The following USP46 variants were observed in gnomAD, a reference collection of about 807,000 sequenced individuals.
The protein encoded by USP46 is ubiquitin specific peptidase 46.
A neutral mutation model predicts 44.4 loss-of-function variants in USP46; 12 were observed. The ratio of observed to expected loss-of-function variants is 0.27; its 90% CI spans 0.17 to 0.44. USP46 has a LOEUF of 0.44. Among genes scored for constraint, USP46 ranks in the 20% least tolerant of loss-of-function variants. The pLI is 1.00. For missense variants in USP46, 248 were observed against 444.8 expected, an observed-to-expected ratio of 0.56 and a Z score of 3.98; for synonymous variants, 155 against 161.5, an observed-to-expected ratio of 0.96 and a Z score of 0.31.
intron 1 of USP46, among the ~76,000 whole-genome samples, chr4:52,649,737 C>T (rs1408853463): frequency 1.3e-5 from 2 of 152,190 alleles, no homozygotes; most frequent in African/African-American, 4.8e-5. Flanking sequence ...ATTTATTGAG[C>T]ACCAACCACA....
At chr4:52,619,281 T>C (rs1347103395) in intron 4 of USP46, among the ~76,000 whole-genome samples, 1 of 149,218 alleles carries the variant, frequency 6.7e-6, no homozygotes, top group East Asian at 1.9e-4. Flanking sequence ...AAGCAACATT[T>C]ACAAAGGGTG....
intron 4 of USP46, among the ~76,000 whole-genome samples, chr4:52,618,344 A>AC (rs1342423939): frequency 4.6e-5 from 7 of 152,042 alleles, no homozygotes; most frequent in South Asian, 2.1e-4. Context: ...ACAAAAATTA[A>AC]CCAGGCATGG....
chr4:52,610,456 T>G (rs1716897548), intron 5 of USP46, 85 bp downstream of exon 5: 3 of 1,190,796 alleles, frequency 2.5e-6, no homozygotes, highest in Non-Finnish European at 2.4e-6. Flanking sequence ...GAAGGGAAGA[T>G]TATGTCCTGA....
At chr4:52,631,030 C>T (rs1717803561) in intron 2 of USP46, 34 bp downstream of exon 2, 2 of 1,531,530 alleles carry the variant, frequency 1.3e-6, no homozygotes, top group African/African-American at 1.4e-5. Context: ...TACCCTAAAA[C>T]ATTTGATGAA....
intron 4 of USP46, among the ~76,000 whole-genome samples, chr4:52,613,985 C>T (rs970644795): frequency 3.6e-4 from 54 of 151,996 alleles, no homozygotes; most frequent in African/African-American, 1.3e-3. Flanking sequence ...ACGTGAAACC[C>T]CAGTAAAGAA....
At chr4:52,598,843 A>C in intron 7 of USP46, 137 bp from the exon 8 acceptor site, 27 of 739,048 alleles carry the variant, frequency 3.7e-5, no homozygotes, top group East Asian at 8.1e-5. Flanking sequence ...CATATAGCTC[A>C]TGTCTATGTT....
chr4:52,635,168 T>C (rs1360757258), intron 1 of USP46, among the ~76,000 whole-genome samples: 3 of 150,312 alleles, frequency 2.0e-5, no homozygotes, highest in Non-Finnish European at 4.4e-5. Flanking sequence ...CACATCTACA[T>C]CTCTCCAGAA....
In USP46 at chr4:52,601,926, T is replaced by G; in HGVS notation, c.851A>C (p.Asn284Thr). 1 of 1,613,870 alleles carries G rather than the reference T, an allele frequency of 6.2e-7. No individual in the cohort carries two copies. The highest frequency in any genetic ancestry group is 8.5e-7 in the Non-Finnish European group (1 of 1,179,872). ...CAGGTTCACTGCATCACTGGAGGTG[T>G]TGAAGAGCCGGAGTTCCAGAGGGAA... ...VVFPLELRLF[N>T]TSSDAVNLDR... Residue 284 changes from asparagine (N) to threonine (T), a missense_variant, in exon 7 of 9, where the codon AAC becomes ACC. Asn to Thr is a moderately conservative substitution (Grantham distance 65). Transcript: ENST00000441222.
intron 1 of USP46, among the ~76,000 whole-genome samples, chr4:52,644,098 C>T (rs970582193): frequency 6.6e-5 from 10 of 152,142 alleles, no homozygotes; most frequent in Non-Finnish European, 1.3e-4. Context: ...ACCACGGAGC[C>T]CCTGTCCCAC....
At chr4:52,632,619 C>T (rs966248016) in intron 1 of USP46, among the ~76,000 whole-genome samples, 2 of 151,824 alleles carry the variant, frequency 1.3e-5, no homozygotes, top group African/African-American at 4.8e-5. Context: ...CTCAGTGGTT[C>T]GAGACCAGCC....
chr4:52,633,026 G>GAA (rs760056090), intron 1 of USP46, among the ~76,000 whole-genome samples: 2 of 145,058 alleles, frequency 1.4e-5, no homozygotes, highest in South Asian at 2.3e-4. Flanking sequence ...AAGAAAGAAA[G>GAA]AAAAAGAAAG....
intron 1 of USP46, among the ~76,000 whole-genome samples, chr4:52,652,395 A>G (rs1048581272): frequency 6.6e-6 from 1 of 152,186 alleles, no homozygotes; most frequent in African/African-American, 2.4e-5. Flanking sequence ...TTTACACCAC[A>G]GAGAAACTGT....
intron 1 of USP46, chr4:52,658,049 A>G (rs1294700345): frequency 2.8e-6 from 1 of 356,194 alleles, no homozygotes; most frequent in Non-Finnish European, 5.6e-6. Context: ...ACTAGCTTCA[A>G]GGGAGGTTTT....
At chr4:52,629,686 C>T (rs1413187271) in intron 2 of USP46, 1 of 456,132 alleles carries the variant, frequency 2.2e-6, no homozygotes, top group Non-Finnish European at 4.4e-6. Context: ...TGGACAACTC[C>T]TGGGAAGGGA....
intron 8 of USP46, among the ~76,000 whole-genome samples, chr4:52,598,129 T>C (rs1243295908): frequency 2.0e-5 from 3 of 152,252 alleles, no homozygotes; most frequent in Admixed American, 1.3e-4. Flanking sequence ...ATAGATCATG[T>C]CTTTGAGTGT....
intron 4 of USP46, among the ~76,000 whole-genome samples, chr4:52,621,889 G>A (rs1030563786): frequency 2.6e-5 from 4 of 152,094 alleles, no homozygotes; most frequent in African/African-American, 4.8e-5. Context: ...AAAACAAACT[G>A]CAGTATATTC....
intron 1 of USP46, among the ~76,000 whole-genome samples, chr4:52,654,148 T>C (rs1351788045): frequency 6.6e-6 from 1 of 152,196 alleles, no homozygotes; most frequent in Non-Finnish European, 1.5e-5. Flanking sequence ...ATGAGACCAG[T>C]GGGGCCAGAA....
chr4:52,602,424 G>C (rs1716511728), intron 6 of USP46, among the ~76,000 whole-genome samples: 1 of 152,210 alleles, frequency 6.6e-6, no homozygotes, highest in Non-Finnish European at 1.5e-5. Context: ...GAGAGCTTTT[G>C]AGAACAGGAA....
At chr4:52,656,048 T>C (rs1425247209) in intron 1 of USP46, among the ~76,000 whole-genome samples, 1 of 152,214 alleles carries the variant, frequency 6.6e-6, no homozygotes, top group Admixed American at 6.5e-5. Context: ...AGGAAACAAA[T>C]CCACTTTCAA....
Sources: gnomAD v4.1 joint callset for allele counts (sites outside exome capture counted in the v4.1 genomes callset) on GRCh38, gnomAD v4.1.1 for gene constraint, MANE v1.5 for transcripts, NCBI Gene and HGNC (gene_info 2026-07-23, HGNC 2026-07-21) for gene names.